The following CTNNA2 variants were observed in gnomAD, a reference collection of about 807,000 sequenced individuals.
CTNNA2 encodes catenin alpha-2.
A neutral mutation model predicts 101.0 loss-of-function variants in CTNNA2; 42 were observed. The ratio of observed to expected loss-of-function variants is 0.42; its 90% CI spans 0.32 to 0.54. The LOEUF is 0.54. CTNNA2 is among the 20% of genes least tolerant of loss of function. The pLI, the probability that CTNNA2 is intolerant of heterozygous loss-of-function variation, is 0.14. For synonymous variants in CTNNA2, 450 were observed against 456.4 expected (o/e 0.99, Z 0.18); for missense variants, 871 against 1,223.1 (o/e 0.71, Z 4.29).
chr2:79,797,660 T>TAAAAAAAA (rs10630216), intron 3 of CTNNA2, among the ~76,000 whole-genome samples: 2 of 121,834 alleles, frequency 1.6e-5, no homozygotes, highest in South Asian at 6.0e-4. Flanking sequence ...GACTCTGTCT[T>TAAAAAAAA]AAAAAAAAAA....
chr2:80,143,406 C>G (rs1365737914), intron 7 of CTNNA2, among the ~76,000 whole-genome samples: 2 of 152,112 alleles, frequency 1.3e-5, no homozygotes, highest in African/African-American at 4.8e-5. Context: ...ATGTATCTGT[C>G]ACCTCAAATA....
At chr2:80,641,645 C>A (rs1023269396) in intron 18 of CTNNA2, among the ~76,000 whole-genome samples, 3 of 152,038 alleles carry the variant, frequency 2.0e-5, no homozygotes, top group African/African-American at 7.2e-5. Flanking sequence ...TTCTATCTTA[C>A]CTCAGGAAGT....
intron 2 of CTNNA2, among the ~76,000 whole-genome samples, chr2:79,265,530 C>T (rs1277280271): frequency 1.3e-5 from 2 of 152,136 alleles, no homozygotes; most frequent in South Asian, 2.1e-4. Context: ...AAGCCTAGAT[C>T]CCAGGAACCT....
intron 7 of CTNNA2, among the ~76,000 whole-genome samples, chr2:80,040,014 G>T (rs935864170): frequency 6.6e-6 from 1 of 152,050 alleles, no homozygotes; most frequent in Non-Finnish European, 1.5e-5. Context: ...AAAATAAAAC[G>T]TAAAAATTAT....
At chr2:80,334,138 T>C (rs1226824935) in intron 7 of CTNNA2, among the ~76,000 whole-genome samples, 1 of 152,254 alleles carries the variant, frequency 6.6e-6, no homozygotes, top group Non-Finnish European at 1.5e-5. Context: ...ATTGTCAGTT[T>C]AGCTCCATTT....
intron 7 of CTNNA2, among the ~76,000 whole-genome samples, chr2:79,918,449 G>A (rs1014769466): frequency 1.3e-5 from 2 of 152,190 alleles, no homozygotes; most frequent in Admixed American, 6.5e-5. Flanking sequence ...AGGGGCCTCA[G>A]CAGAAAGTCT....
At chr2:79,594,311 G>C (rs758115358) in intron 1 of CTNNA2, among the ~76,000 whole-genome samples, 6 of 152,140 alleles carry the variant, frequency 3.9e-5, no homozygotes, top group Non-Finnish European at 7.3e-5. Context: ...GTGTAGCACA[G>C]AGGTTATGAG....
At chr2:79,253,010 T>A (rs1026733965) in intron 2 of CTNNA2, among the ~76,000 whole-genome samples, 4 of 152,194 alleles carry the variant, frequency 2.6e-5, no homozygotes, top group Admixed American at 1.3e-4. Context: ...ATAAAGCCTT[T>A]CCTTAGTGCC....
intron 3 of CTNNA2, among the ~76,000 whole-genome samples, chr2:79,809,390 A>C (rs1384589348): frequency 2.6e-5 from 4 of 152,170 alleles, no homozygotes; most frequent in Admixed American, 6.5e-5. Flanking sequence ...AGTTGAACTA[A>C]TTTATACTTC....
Position 80,565,930 on chromosome 2 carries a change from C to T in CTNNA2, c.1742-8233C>T, listed in dbSNP as rs540137831. Among the ~76,000 whole-genome samples, 106 of 152,138 alleles carry T rather than the reference C, an allele frequency of 7.0e-4. No individual in the cohort carries two copies. In the Middle Eastern group the frequency reaches 0.01, roughly 15 times the overall value. On this transcript the variant is annotated intron_variant, in intron 12 of 18. Transcript: ENST00000402739. ...ACTGAGGCTTAAATTGGTTTAATAA[C>T]GTGTAAAATTAAATATCAAGATTCA... is the stretch of plus-strand genomic sequence containing the variant.
chr2:80,454,995 C>G (rs1352324991), intron 9 of CTNNA2, among the ~76,000 whole-genome samples: 3 of 152,242 alleles, frequency 2.0e-5, no homozygotes, highest in Non-Finnish European at 4.4e-5. Context: ...GCCAGAGGCT[C>G]TGAAAAGGGA....
Position 79,386,171 on chromosome 2 carries a change from G to A in CTNNA2, c.-135+12158G>A, listed in dbSNP as rs536842485. On this transcript the variant is annotated intron_variant, in intron 4 of 21. Coordinates refer to the CTNNA2 transcript ENST00000466387. ...TAAGAGTGTAAAAGCGTTCAATAGGGTCTTTTTAACACATATCTCCGTAAT... is the reference window on the plus strand; with the variant it reads ...TAAGAGTGTAAAAGCGTTCAATAGGATCTTTTTAACACATATCTCCGTAAT... Among the ~76,000 whole-genome samples, 33 of 152,226 alleles carry A rather than the reference G, an allele frequency of 2.2e-4. No individual in the cohort carries two copies. In the South Asian group the frequency reaches 2.9e-3, roughly 13 times the overall value.
intron 9 of CTNNA2, among the ~76,000 whole-genome samples, chr2:80,507,799 G>T (rs1688389674): frequency 6.6e-6 from 1 of 152,138 alleles, no homozygotes; most frequent in African/African-American, 2.4e-5. Flanking sequence ...CATCCACTGA[G>T]TGCTTCCATC....
intron 7 of CTNNA2, among the ~76,000 whole-genome samples, chr2:79,928,653 C>A (rs1574334565): frequency 6.6e-6 from 1 of 152,122 alleles, no homozygotes; most frequent in East Asian, 1.9e-4. Flanking sequence ...TTCCAATCAG[C>A]CTGAAGCCAG....
In CTNNA2 at chr2:79,695,444, G is replaced by A. The variant is rs78278371; in HGVS notation, c.102+43786G>A. Among the ~76,000 whole-genome samples the A allele has an allele frequency of 5.9e-3, 898 of 152,002 alleles. 6 individuals are homozygous for A. Among genetic ancestry groups the A allele is most frequent in the Non-Finnish European group, 9.5e-3 (646 of 67,900 alleles). ...AGGAACAGGAATTTATGTTGAGCAG[G>A]GTGGCTGAATATACATATTCAATAA... On this transcript the variant is annotated intron_variant, in intron 2 of 18. Coordinates refer to ENST00000402739, the MANE Select transcript of CTNNA2 (RefSeq NM_001282597.3).
chr2:79,421,675 C>A (rs919307081), intron 4 of CTNNA2, among the ~76,000 whole-genome samples: 6 of 151,996 alleles, frequency 3.9e-5, no homozygotes, highest in Non-Finnish European at 7.4e-5. Context: ...TTAGTATTGT[C>A]AAGCTCAGAA....
At chr2:79,918,002 C>T (rs543328760) in intron 7 of CTNNA2, among the ~76,000 whole-genome samples, 1 of 152,092 alleles carries the variant, frequency 6.6e-6, no homozygotes, top group African/African-American at 2.4e-5. Context: ...CCTTAATGTG[C>T]CCAAGGTATG....
intron 14 of CTNNA2, among the ~76,000 whole-genome samples, chr2:80,585,641 TA>T (rs1695913194): frequency 6.6e-6 from 1 of 152,228 alleles, no homozygotes; most frequent in African/African-American, 2.4e-5. Context: ...AGCTGGCTTC[TA>T]TTTTTTTCTA....
chr2:80,393,035 T>C (rs1677668904), intron 7 of CTNNA2, among the ~76,000 whole-genome samples, 176 bp from the exon 8 acceptor site: 1 of 152,204 alleles, frequency 6.6e-6, no homozygotes, highest in African/African-American at 2.4e-5. Flanking sequence ...ATTTTAATTA[T>C]TATTTCAGGA....
Sources: allele counts gnomAD v4.1 joint callset (sites outside exome capture counted in the v4.1 genomes callset), GRCh38; gene constraint gnomAD v4.1.1; transcripts MANE v1.5; gene names NCBI Gene and HGNC (gene_info 2026-07-23, HGNC 2026-07-21).